The following CSMD1 variants were observed in gnomAD, a reference collection of about 807,000 sequenced individuals.
The protein encoded by CSMD1 is CUB and Sushi multiple domains 1.
Under a neutral mutation model 417.5 loss-of-function variants are expected in CSMD1, and 213 were observed. The ratio of observed to expected loss-of-function variants is 0.51; its 90% confidence interval spans 0.46 to 0.57. CSMD1 has a LOEUF of 0.57. Among genes scored for constraint, CSMD1 ranks in the 20% least tolerant of loss-of-function variants. The pLI is 0.00. For synonymous variants in CSMD1, 2,862 were observed against 1,736.8 expected, an observed-to-expected ratio of 1.65 and a Z score of -16.11; for missense variants, 6,923 against 4,529.7, an observed-to-expected ratio of 1.53 and a Z score of -15.17.
intron 3 of CSMD1, among the ~76,000 whole-genome samples, chr8:4,367,180 C>G (rs753936135): frequency 6.6e-6 from 1 of 152,096 alleles, no homozygotes; most frequent in African/African-American, 2.4e-5. Context: ...TGTGTTAGAG[C>G]TTGCATTGAA....
chr8:4,208,828 T>A (rs1416275589), intron 3 of CSMD1, among the ~76,000 whole-genome samples: 1 of 152,154 alleles, frequency 6.6e-6, no homozygotes, highest in Non-Finnish European at 1.5e-5. Flanking sequence ...TTGTTTAATA[T>A]CTGGTTGGAA....
chr8:3,309,848 A>G (rs753087892), intron 23 of CSMD1, among the ~76,000 whole-genome samples: 9 of 152,194 alleles, frequency 5.9e-5, no homozygotes, highest in Non-Finnish European at 1.3e-4. Context: ...ACTAATCAGG[A>G]TTGAGATTTG....
At chr8:3,175,722 A>G (rs970946422) in intron 37 of CSMD1, among the ~76,000 whole-genome samples, 7 of 152,094 alleles carry the variant, frequency 4.6e-5, no homozygotes, top group Admixed American at 2.6e-4. Flanking sequence ...ACACTGGACC[A>G]TGTCTACTGC....
chr8:2,953,914 A>G (rs1802820295), intron 65 of CSMD1, among the ~76,000 whole-genome samples: 2 of 152,354 alleles, frequency 1.3e-5, no homozygotes, highest in South Asian at 2.1e-4. Context: ...AAGGCTCTCC[A>G]TTATACCACA....
At chr8:4,455,039 C>T (rs1799384050) in intron 2 of CSMD1, among the ~76,000 whole-genome samples, 1 of 152,076 alleles carries the variant, frequency 6.6e-6, no homozygotes, top group Non-Finnish European at 1.5e-5. Context: ...CTGTCATCAA[C>T]ACAATATCAC....
At chr8:3,733,603 T>A (rs1796379310) in intron 6 of CSMD1, among the ~76,000 whole-genome samples, 1 of 152,046 alleles carries the variant, frequency 6.6e-6, no homozygotes, top group Non-Finnish European at 1.5e-5. Context: ...TGCACCGCCC[T>A]GCTGCATCCT....
chr8:4,312,206 T>C (rs954689810), intron 3 of CSMD1, among the ~76,000 whole-genome samples: 4 of 151,996 alleles, frequency 2.6e-5, no homozygotes, highest in Non-Finnish European at 1.5e-5. Flanking sequence ...ACTATCTATA[T>C]GCATGTGTAG....
intron 10 of CSMD1, among the ~76,000 whole-genome samples, chr8:3,524,018 T>TGC (rs1380454812): frequency 1.9e-5 from 2 of 103,214 alleles, no homozygotes; most frequent in Non-Finnish European, 3.8e-5. Flanking sequence ...CATGTGCACG[T>TGC]GCACACACAC....
intron 23 of CSMD1, among the ~76,000 whole-genome samples, chr8:3,310,186 C>T (rs1805214370): frequency 6.6e-6 from 1 of 152,192 alleles, no homozygotes; most frequent in Non-Finnish European, 1.5e-5. Context: ...CTTCATCTCA[C>T]TGCATAATGC....
At chr8:4,089,863 C>A (rs35543823) in intron 3 of CSMD1, among the ~76,000 whole-genome samples, 1 of 152,004 alleles carries the variant, frequency 6.6e-6, no homozygotes, top group South Asian at 2.1e-4. Flanking sequence ...TGGGATCTCA[C>A]CACAGAGAAG....
At chr8:4,317,017 C>CA (rs971664464) in intron 3 of CSMD1, among the ~76,000 whole-genome samples, 3 of 151,908 alleles carry the variant, frequency 2.0e-5, no homozygotes, top group African/African-American at 7.3e-5. Context: ...ACTGTTGGGG[C>CA]AAAAAACTAC....
At chr8:3,744,957 G>C (rs1034631263) in intron 6 of CSMD1, among the ~76,000 whole-genome samples, 1 of 152,156 alleles carries the variant, frequency 6.6e-6, no homozygotes, top group Admixed American at 6.6e-5. Context: ...ATGAGGACAG[G>C]GCTGAGGCCT....
intron 1 of CSMD1, among the ~76,000 whole-genome samples, chr8:4,729,876 G>T (rs560172078): frequency 2.0e-5 from 3 of 152,122 alleles, no homozygotes; most frequent in Admixed American, 6.6e-5. Flanking sequence ...AATTCCTAAG[G>T]TGATAGGAAC....
chr8:3,978,730 G>C lies in CSMD1; in HGVS notation c.818+19173C>G, dbSNP rs188286737. 1.4e-3 allele frequency among the ~76,000 whole-genome samples: 219 copies of C among 152,246 alleles called. 1 individual carries two copies. Among genetic ancestry groups the C allele is most frequent in the African/African-American group, 5.1e-3 (212 of 41,544 alleles). ...GAGCACTCTGATATTGATGTAAAAA[G>C]ACATATCCCCAGCATACGACATCAG... is the stretch of plus-strand genomic sequence containing the variant. On this transcript the variant is annotated intron_variant, in intron 5 of 69. Coordinates refer to ENST00000635120, the MANE Select transcript of CSMD1 (RefSeq NM_033225.6).
chr8:4,493,495 A>G (rs574398116), intron 2 of CSMD1, among the ~76,000 whole-genome samples: 1 of 152,244 alleles, frequency 6.6e-6, no homozygotes, highest in East Asian at 1.9e-4. Context: ...CAGGAGTTCA[A>G]GAACACCCTG....
chr8:3,527,675 T>G (rs926738473), intron 10 of CSMD1, among the ~76,000 whole-genome samples: 3 of 152,174 alleles, frequency 2.0e-5, no homozygotes, highest in African/African-American at 7.2e-5. Flanking sequence ...GCCAATTTGC[T>G]GGCTCTGCTT....
Position 3,332,958 on chromosome 8 carries a change from C to G in CSMD1, c.3631+10336G>C, listed in dbSNP as rs868486237. Among the ~76,000 whole-genome samples, 4 of 152,304 alleles carry G rather than the reference C, an allele frequency of 2.6e-5. No individual in the cohort carries two copies. The South Asian group carries it at 8.3e-4, about 32-fold the overall frequency. ...ATGCTGAGTTTGTCAAGATACGGAG[C>G]CTGACTCAATCCAGGGAAAGCCCTT... is the stretch of plus-strand genomic sequence containing the variant. On this transcript the variant is annotated intron_variant, in intron 23 of 69. Transcript: ENST00000635120.
At chr8:4,711,626 T>C (rs1175214187) in intron 1 of CSMD1, among the ~76,000 whole-genome samples, 1 of 152,152 alleles carries the variant, frequency 6.6e-6, no homozygotes, top group East Asian at 1.9e-4. Context: ...AGAATTATTT[T>C]TGCAGTCGGA....
chr8:3,729,053 C>G (rs1053603213), intron 6 of CSMD1, among the ~76,000 whole-genome samples: 22 of 152,198 alleles, frequency 1.4e-4, no homozygotes, highest in African/African-American at 3.9e-4. Flanking sequence ...AATCCAAAGT[C>G]TGGCCGTAAT....
Sources: allele counts gnomAD v4.1 joint callset (sites outside exome capture counted in the v4.1 genomes callset), GRCh38; gene constraint gnomAD v4.1.1; transcripts MANE v1.5; gene names NCBI Gene and HGNC (gene_info 2026-07-23, HGNC 2026-07-21).